Variants in TMEM232 observed in about 807,000 individuals in gnomAD.
The protein encoded by TMEM232 is transmembrane protein 232.
In TMEM232, 80 loss-of-function variants were observed where a neutral mutation model predicts 78.8. The observed-to-expected ratio is 1.01, with a 90% CI of 0.85 to 1.22. The LOEUF (loss-of-function observed/expected upper bound fraction) is 1.22. TMEM232 is among the 50% of genes most tolerant of loss of function. TMEM232 has a pLI of 0.00. For missense variants in TMEM232, 881 were observed against 742.2 expected, an observed-to-expected ratio of 1.19 and a Z score of -2.17; for synonymous variants, 297 against 254.3, an observed-to-expected ratio of 1.17 and a Z score of -1.60.
chr5:110,430,906 G>T (rs1422534946), intron 12 of TMEM232, among the ~76,000 whole-genome samples: 1 of 151,716 alleles, frequency 6.6e-6, no homozygotes, highest in African/African-American at 2.4e-5. Flanking sequence ...CAATGTATCA[G>T]AGAGGAAGGA....
intron 10 of TMEM232, among the ~76,000 whole-genome samples, chr5:110,592,729 C>T (rs1267162385): frequency 6.6e-6 from 1 of 152,094 alleles, no homozygotes; most frequent in Non-Finnish European, 1.5e-5. Context: ...TGTGAATGTA[C>T]AAAGGGCAAT....
At chr5:110,626,887 T>C (rs975387985) in intron 6 of TMEM232, among the ~76,000 whole-genome samples, 12 of 152,062 alleles carry the variant, frequency 7.9e-5, no homozygotes, top group African/African-American at 2.4e-4. Context: ...TATTTCCCTT[T>C]TCCTGGGCCC....
At position 110,670,447 on chromosome 5, in the gene TMEM232, T is replaced by G. The variant is rs552793271; in HGVS notation, c.-12-3083A>C. Among the ~76,000 whole-genome samples, 17 of 152,164 alleles carry G rather than the reference T, an allele frequency of 1.1e-4. No individual in the cohort carries two copies. The South Asian group carries it at 2.9e-3, about 26-fold the overall frequency. Reference sequence around the variant, plus strand: ...CAAGGGATGTGAAGGACCTCTTCAATGAGAACTACAAACCACTGCTCAACA... The same window carrying G: ...CAAGGGATGTGAAGGACCTCTTCAAGGAGAACTACAAACCACTGCTCAACA... On this transcript the variant is annotated intron_variant, in intron 1 of 13. Transcript: ENST00000455884.
At chr5:110,477,392 T>C (rs1763365641) in intron 12 of TMEM232, among the ~76,000 whole-genome samples, 1 of 151,844 alleles carries the variant, frequency 6.6e-6, no homozygotes, top group Non-Finnish European at 1.5e-5. Context: ...AAGTAACAAA[T>C]CTAGTTTTGT....
chr5:110,659,284 T>C (rs528963347), intron 2 of TMEM232, among the ~76,000 whole-genome samples: 13 of 152,084 alleles, frequency 8.5e-5, no homozygotes, highest in East Asian at 1.9e-4. Context: ...GGAAGCCACA[T>C]AGAAGGCTAC....
At chr5:110,718,172 T>C (rs1030672726) in intron 1 of TMEM232, among the ~76,000 whole-genome samples, 8 of 152,126 alleles carry the variant, frequency 5.3e-5, no homozygotes, top group African/African-American at 1.7e-4. Context: ...TATGTTTATG[T>C]ATTTGATTAT....
intron 1 of TMEM232, among the ~76,000 whole-genome samples, chr5:110,702,053 C>A (rs1795487348): frequency 6.6e-6 from 1 of 151,948 alleles, no homozygotes; most frequent in South Asian, 2.1e-4. Context: ...TAGCTGGCTA[C>A]CCTAGCTGGA....
intron 5 of TMEM232, among the ~76,000 whole-genome samples, chr5:110,629,385 C>T (rs1010518330): frequency 1.3e-5 from 2 of 152,092 alleles, no homozygotes; most frequent in African/African-American, 4.8e-5. Flanking sequence ...TATAGCTATA[C>T]TTGAAAAATG....
At chr5:110,427,281 T>G (rs948629154) in intron 12 of TMEM232, among the ~76,000 whole-genome samples, 1 of 151,974 alleles carries the variant, frequency 6.6e-6, no homozygotes, top group African/African-American at 2.4e-5. Context: ...AGCACCTGCC[T>G]TATTGTTTTC....
intron 3 of TMEM232, 117 bp downstream of exon 3, chr5:110,642,143 A>T (rs1786819372): frequency 1.7e-6 from 1 of 575,314 alleles, no homozygotes; most frequent in Non-Finnish European, 2.8e-6. Context: ...AACTATCCCT[A>T]CTTATAATTA....
intron 2 of TMEM232, among the ~76,000 whole-genome samples, chr5:110,413,769 T>A (rs1756084485): frequency 6.6e-6 from 1 of 152,206 alleles, no homozygotes; most frequent in Non-Finnish European, 1.5e-5. Context: ...CTCAGTTCCA[T>A]CATTTTTATT....
chr5:110,645,991 G>A (rs1465437086), intron 2 of TMEM232, among the ~76,000 whole-genome samples: 2 of 151,278 alleles, frequency 1.3e-5, no homozygotes, highest in Non-Finnish European at 3.0e-5. Flanking sequence ...AAATACTAAG[G>A]AGTAAATTTA....
chr5:110,514,104 T>C (rs978496831), intron 12 of TMEM232, among the ~76,000 whole-genome samples: 2 of 152,196 alleles, frequency 1.3e-5, no homozygotes, highest in African/African-American at 4.8e-5. Flanking sequence ...CAATGTTCTT[T>C]ATTTCTGTGC....
At chr5:110,587,689 A>G (rs202188775) in intron 10 of TMEM232, among the ~76,000 whole-genome samples, 1,087 of 53,008 alleles carry the variant, frequency 0.021, 3 homozygotes, top group African/African-American at 0.038. Context: ...ATATATATAT[A>G]TATGTGTGTG....
At chr5:110,722,686 T>C (rs1194833369) in intron 1 of TMEM232, among the ~76,000 whole-genome samples, 1 of 152,108 alleles carries the variant, frequency 6.6e-6, no homozygotes, top group Admixed American at 6.6e-5. Context: ...ATTTTATTGG[T>C]CATACAGAAG....
intron 1 of TMEM232, chr5:110,667,591 T>C: frequency 4.1e-6 from 1 of 246,746 alleles, no homozygotes; most frequent in Non-Finnish European, 7.6e-6. Flanking sequence ...TTATTATGCT[T>C]TAGCAGTTTT....
At chr5:110,635,424 C>A (rs7702570) in intron 5 of TMEM232, among the ~76,000 whole-genome samples, 44,469 of 151,770 alleles carry the variant, frequency 0.29, 8,267 homozygotes, top group African/African-American at 0.54. Context: ...ACATAGACTC[C>A]AAAAACCTCA....
At chr5:110,523,966 AGGG>A (rs1230285778) in intron 12 of TMEM232, among the ~76,000 whole-genome samples, 1 of 41,240 alleles carries the variant, frequency 2.4e-5, no homozygotes, top group Non-Finnish European at 4.6e-5. Flanking sequence ...AAAAAAAAAA[AGGG>A]GGGGGGGCGG....
At chr5:110,457,469 C>A (rs1465677556) in intron 12 of TMEM232, among the ~76,000 whole-genome samples, 1 of 152,044 alleles carries the variant, frequency 6.6e-6, no homozygotes, top group East Asian at 1.9e-4. Context: ...TATACACATA[C>A]TTACCATATA....
Sources: gnomAD v4.1 joint callset for allele counts (sites outside exome capture counted in the v4.1 genomes callset) on GRCh38, gnomAD v4.1.1 for gene constraint, MANE v1.5 for transcripts, NCBI Gene and HGNC (gene_info 2026-07-23, HGNC 2026-07-21) for gene names.